P3H1: variants seen among roughly 807,000 people sequenced by gnomAD.
The protein encoded by P3H1 is growth suppressor 1.
P3H1 carries 69 observed loss-of-function variants against 84.0 expected under a neutral mutation model. The observed-to-expected ratio is 0.82, with a 90% CI of 0.68 to 1.00. P3H1 has a LOEUF of 1.00. P3H1 is among the 50% of genes least tolerant of loss of function. The pLI is 0.00. For missense variants in P3H1, 878 were observed against 962.8 expected (o/e 0.91, Z 1.17); for synonymous variants, 366 against 388.8 (o/e 0.94, Z 0.69).
At chr1:42,766,021 C>T (rs60903408) in intron 1 of P3H1, among the ~76,000 whole-genome samples, 1 of 141,240 alleles carries the variant, frequency 7.1e-6, no homozygotes, top group Non-Finnish European at 1.5e-5. Flanking sequence ...CCCCCCGCCC[C>T]CACACACACA....
intron 1 of P3H1, 53 bp downstream of exon 1, chr1:42,766,454 A>T (rs1653003478): frequency 2.0e-6 from 3 of 1,483,042 alleles, no homozygotes. Context: ...GTCCCCTGCA[A>T]CACTCCTCTC....
rs1490911427 is a variant in P3H1, at chr1:42,763,077, C to G, written c.466-602G>C. Among the ~76,000 whole-genome samples the G allele has an allele frequency of 2.7e-5, 4 of 150,696 alleles. 1 individual carries two copies. The highest frequency in any genetic ancestry group is 5.9e-5 in the Non-Finnish European group (4 of 67,740). On this transcript the variant is annotated intron_variant, in intron 1 of 14. Coordinates refer to ENST00000296388, the MANE Select transcript of P3H1 (RefSeq NM_022356.4). ...TCCAGCTTGGGTGACACAGCAGGAC[C>G]CTGACTCAAAAAAAAAAAAATACAT...
chr1:42,746,967 T>G, intron 14 of P3H1, 115 bp from the exon 15 acceptor site: 1 of 1,614,120 alleles, frequency 6.2e-7, no homozygotes, highest in Non-Finnish European at 8.5e-7. Context: ...CAGGCTCATC[T>G]CCTTCCCAGC....
In P3H1 at chr1:42,762,326, AT is replaced by A; in HGVS notation, c.614del (p.His205LeufsTer24). ...AAGGGGATAAAGTTTTTTTCACCATATGGGGTTGAGTCTCAAGATCCTTGAA... is the reference window on the plus strand; with the variant it reads ...AAGGGGATAAAGTTTTTTTCACCATAGGGGTTGAGTCTCAAGATCCTTGAA... The part of the protein sequence containing the change: ...ADFKDLETQP[H>X]MQEFRLGVRL... On this transcript the variant is annotated frameshift_variant, in exon 2 of 15. Coordinates refer to ENST00000296388, the MANE Select transcript of P3H1 (RefSeq NM_022356.4). LOFTEE classifies it high-confidence loss of function. 6.2e-7 allele frequency: 1 copy of A among 1,613,888 alleles called. No homozygotes were observed. The highest frequency in any genetic ancestry group is 8.5e-7 in the Non-Finnish European group (1 of 1,179,846).
chr1:42,762,296 G>A, intron 2 of P3H1, 27 bp downstream of exon 2: 1 of 1,610,560 alleles, frequency 6.2e-7, no homozygotes, highest in East Asian at 2.2e-5. Flanking sequence ...AAGAAAGAAA[G>A]AAAGAAGGGG....
At position 42,755,595 on chromosome 1, in the gene P3H1, G is replaced by A. The variant is rs1305620560; in HGVS notation, c.1123C>T (p.Leu375=). Residue 375 remains leucine (L), a synonymous_variant, in exon 6 of 15, where the codon CTG becomes TTG. Coordinates refer to ENST00000296388, the MANE Select transcript of P3H1 (RefSeq NM_022356.4). ...AAAACATCATAAGCGAAGAAAAGCA[G>A]TTCTTTTTCCAGTAGGCTTCGCTGT... is the stretch of plus-strand genomic sequence containing the variant. ...YRQRSLLEKE[L]LFFAYDVFGI... The A allele has an allele frequency of 6.2e-7, 1 of 1,614,138 alleles. No homozygotes were observed. Among genetic ancestry groups the A allele is most frequent in the East Asian group, 2.2e-5 (1 of 44,884 alleles).
intron 11 of P3H1, among the ~76,000 whole-genome samples, chr1:42,748,917 TGGTG>T (rs1311133179): frequency 2.0e-5 from 3 of 152,234 alleles, no homozygotes; most frequent in African/African-American, 7.2e-5. Flanking sequence ...CGTCACGTCG[TGGTG>T]GGTGCCTCCT....
At chr1:42,765,688 C>T (rs1337438596) in intron 1 of P3H1, among the ~76,000 whole-genome samples, 4 of 152,082 alleles carry the variant, frequency 2.6e-5, no homozygotes, top group Non-Finnish European at 4.4e-5. Context: ...TAGATCGAAT[C>T]GAAGGTCTTT....
chr1:42,765,860 G>A (rs894263923), intron 1 of P3H1, among the ~76,000 whole-genome samples: 1 of 152,006 alleles, frequency 6.6e-6, no homozygotes, highest in Non-Finnish European at 1.5e-5. Context: ...GTATGTGCTG[G>A]CTATCATCAT....
At chr1:42,751,478 C>T (rs1370200326) in intron 10 of P3H1, among the ~76,000 whole-genome samples, 8 of 137,664 alleles carry the variant, frequency 5.8e-5, no homozygotes, top group African/African-American at 1.9e-4. Context: ...GACCTTTGTT[C>T]ACTTGTTTAT....
intron 1 of P3H1, among the ~76,000 whole-genome samples, chr1:42,763,689 A>G (rs1408892138): frequency 1.3e-5 from 2 of 151,102 alleles, no homozygotes; most frequent in Non-Finnish European, 3.0e-5. Context: ...AAAAAAAAAA[A>G]AAAAAAAAAA....
rs1443567683 is a variant in P3H1 at position 42,759,233 on chromosome 1, T to A, written c.776A>T (p.Glu259Val). 3 of 1,614,162 alleles carry A rather than the reference T, an allele frequency of 1.9e-6. No individual in the cohort carries two copies. The highest frequency in any genetic ancestry group is 4.5e-5 in the East Asian group (2 of 44,874). ...GGCCTGGAAGAGGTCAGCGTTGTAC[T>A]CAAGGTAGTTGTAGCCATCGTAGTC... ...PYDYDGYNYL[E>V]YNADLFQAIT... Residue 259 changes from glutamate (E) to valine (V), a missense_variant, in exon 3 of 15, where the codon GAG (glutamate) becomes GTG (valine). Coordinates refer to ENST00000296388, the MANE Select transcript of P3H1 (RefSeq NM_022356.4).
At chr1:42,755,026 G>A in intron 7 of P3H1, 36 bp from the exon 8 acceptor site, 1 of 1,613,980 alleles carries the variant, frequency 6.2e-7, no homozygotes, top group Non-Finnish European at 8.5e-7. Flanking sequence ...TGCATTCCAG[G>A]GCCAGCCCTG....
In P3H1 at chr1:42,759,356, T is replaced by G. The variant is rs753716259; in HGVS notation, c.653A>C (p.Glu218Ala). Residue 218 changes from glutamate (E) to alanine (A), a missense_variant, in exon 3 of 15, where the codon GAG (glutamate) becomes GCG (alanine). Coordinates refer to ENST00000296388, the MANE Select transcript of P3H1 (RefSeq NM_022356.4). The stretch of plus-strand genomic sequence containing the variant: ...GGGCACAGCTTCCTGTGGCTGTTCC[T>G]CTGAGTAGAGTCGCACTCCCAGTCG... ...EFRLGVRLYS[E>A]EQPQEAVPHL... The G allele has an allele frequency of 8.7e-6, 14 of 1,614,144 alleles. 1 individual carries two copies. In the East Asian group the frequency reaches 2.7e-4, roughly 31 times the overall value.
rs758079491 is a variant in P3H1, at chr1:42,757,912, A to G, written c.951T>C (p.Tyr317=). The change falls in exon 5 of 15, where the codon TAT becomes TAC. Residue 317 remains tyrosine (Y), a synonymous_variant. Coordinates refer to ENST00000296388, the MANE Select transcript of P3H1 (RefSeq NM_022356.4). ...LQFAYYNIGN[Y]TQAVECAKTY... ...TCTTGGCACATTCAACAGCCTGTGT[A>G]TAATTCCCAACTGCAAAGTGGAAAG... 12 of 1,614,088 alleles carry G rather than the reference A, an allele frequency of 7.4e-6. No individual in the cohort carries two copies. Among genetic ancestry groups the G allele is most frequent in the African/African-American group, 2.7e-5 (2 of 74,956 alleles).
intron 5 of P3H1, among the ~76,000 whole-genome samples, chr1:42,756,156 T>C (rs1028561546): frequency 1.3e-5 from 2 of 152,166 alleles, no homozygotes; most frequent in African/African-American, 4.8e-5. Flanking sequence ...CTACAGGACA[T>C]GGGAGAGCAG....
In P3H1 at chr1:42,748,357, G is replaced by A. The variant is rs556731943; in HGVS notation, c.1721-40C>T. 33 of 1,441,652 alleles carry A rather than the reference G, an allele frequency of 2.3e-5. 1 individual carries two copies. The Admixed American group carries it at 2.3e-4, about 10-fold the overall frequency. 89.3% of individuals were successfully genotyped at this position (1,441,652 alleles called of 1,614,324 possible). The stretch of plus-strand genomic sequence containing the variant: ...ACACATGTTAGCAAGGGAGCACCTC[G>A]GGAGACGGCATAGCTCTCTTCTTGG... On this transcript the variant is annotated intron_variant, in intron 11 of 14. Coordinates refer to ENST00000296388, the MANE Select transcript of P3H1 (RefSeq NM_022356.4).
intron 3 of P3H1, 71 bp from the exon 4 acceptor site, chr1:42,759,054 C>A: frequency 6.2e-7 from 1 of 1,600,420 alleles, no homozygotes; most frequent in Non-Finnish European, 8.6e-7. Context: ...TTAAGATGAA[C>A]AAATTCAAAT....
intron 2 of P3H1, chr1:42,760,094 C>T: frequency 6.6e-6 from 1 of 150,392 alleles, no homozygotes; most frequent in Non-Finnish European, 1.5e-5. Flanking sequence ...AAGCAATTCT[C>T]CTGCCTCAGC....
Sources: allele counts gnomAD v4.1 joint callset (sites outside exome capture counted in the v4.1 genomes callset), GRCh38; gene constraint gnomAD v4.1.1; transcripts MANE v1.5; gene names NCBI Gene and HGNC (gene_info 2026-07-23, HGNC 2026-07-21).